The following MACROD2 variants were observed in gnomAD, a reference collection of about 807,000 sequenced individuals.
MACROD2 encodes mono-ADP ribosylhydrolase 2.
Under a neutral mutation model 70.4 loss-of-function variants are expected in MACROD2, and 36 were observed. That is an observed-to-expected ratio of 0.51 (90% confidence interval 0.39 to 0.68). The LOEUF (loss-of-function observed/expected upper bound fraction) is 0.68, where lower values mean the gene tolerates loss of function less well. Among genes scored for constraint, MACROD2 ranks in the 30% least tolerant of loss-of-function variants. The pLI, the probability that MACROD2 is intolerant of heterozygous loss-of-function variation, is 0.00. For missense variants in MACROD2, 496 were observed against 538.4 expected, an observed-to-expected ratio of 0.92 and a Z score of 0.78; for synonymous variants, 172 against 178.8, an observed-to-expected ratio of 0.96 and a Z score of 0.30.
At chr20:15,431,363 GTTTC>G in intron 6 of MACROD2, 38 bp from the exon 7 acceptor site, 1 of 1,568,434 alleles carries the variant, frequency 6.4e-7, no homozygotes, top group East Asian at 2.2e-5. Context: ...GCGTAGAGTT[GTTTC>G]TTTAATATTC....
intron 5 of MACROD2, among the ~76,000 whole-genome samples, chr20:15,040,274 C>T (rs958706587): frequency 1.1e-3 from 162 of 151,178 alleles, no homozygotes; most frequent in African/African-American, 3.7e-3. Context: ...GAGATCGCGC[C>T]ACTGCACTCC....
chr20:14,596,415 A>C (rs952974396), intron 4 of MACROD2, among the ~76,000 whole-genome samples: 1 of 98,234 alleles, frequency 1.0e-5, no homozygotes, highest in Non-Finnish European at 1.8e-5. Flanking sequence ...TTTTAAACAT[A>C]TATATATATA....
At chr20:14,533,178 A>G (rs912818922) in intron 4 of MACROD2, among the ~76,000 whole-genome samples, 2 of 152,228 alleles carry the variant, frequency 1.3e-5, no homozygotes, top group African/African-American at 4.8e-5. Context: ...TTATAAGGAA[A>G]GTAACTTTGA....
chr20:15,190,313 A>G (rs959393371), intron 5 of MACROD2, among the ~76,000 whole-genome samples: 2 of 152,168 alleles, frequency 1.3e-5, no homozygotes, highest in Non-Finnish European at 1.5e-5. Context: ...GTGATAATAC[A>G]GTAGGTGCTG....
chr20:14,766,765 T>C (rs1265046251), intron 5 of MACROD2, among the ~76,000 whole-genome samples: 1 of 152,134 alleles, frequency 6.6e-6, no homozygotes, highest in East Asian at 1.9e-4. Flanking sequence ...TTAAGTGTTG[T>C]ACTCATTTAT....
At chr20:14,399,528 A>G (rs2083615759) in intron 3 of MACROD2, among the ~76,000 whole-genome samples, 1 of 151,948 alleles carries the variant, frequency 6.6e-6, no homozygotes, top group Non-Finnish European at 1.5e-5. Flanking sequence ...ATTTGATGAT[A>G]ATTTGCTTTG....
At position 14,325,813 on chromosome 20, in the gene MACROD2, T is replaced by C. The variant is rs773372477; in HGVS notation, c.272-167666T>C. 68 of 1,613,796 alleles carry C rather than the reference T, an allele frequency of 4.2e-5. No individual in the cohort carries two copies. The highest frequency in any genetic ancestry group is 5.4e-5 in the Non-Finnish European group (64 of 1,179,868). The stretch of plus-strand genomic sequence containing the variant: ...ATCCTTTCTTCTCCTCCCTTTGCTA[T>C]ATGCACAGTTCCTTGAGAAGAGCGA... On this transcript the variant is annotated intron_variant, in intron 3 of 17. Coordinates refer to ENST00000684519, the MANE Select transcript of MACROD2 (RefSeq NM_001351661.2).
intron 8 of MACROD2, among the ~76,000 whole-genome samples, chr20:15,715,298 T>G (rs1010316036): frequency 2.6e-5 from 4 of 152,158 alleles, no homozygotes. Flanking sequence ...TTAAGTCATG[T>G]CAGCAAACGT....
At chr20:13,998,259 CAT>C (rs1025207722) in intron 1 of MACROD2, among the ~76,000 whole-genome samples, 1 of 151,662 alleles carries the variant, frequency 6.6e-6, no homozygotes, top group Non-Finnish European at 1.5e-5. Flanking sequence ...TTTAAATAAA[CAT>C]GTTTGATCTA....
intron 5 of MACROD2, among the ~76,000 whole-genome samples, chr20:14,729,915 A>G (rs2071574686): frequency 1.3e-5 from 2 of 152,182 alleles, no homozygotes; most frequent in African/African-American, 4.8e-5. Context: ...ATTTATTAAA[A>G]TAAAAGGGAA....
chr20:14,164,502 T>G (rs1027460205), intron 3 of MACROD2, among the ~76,000 whole-genome samples: 2 of 152,120 alleles, frequency 1.3e-5, no homozygotes, highest in African/African-American at 4.8e-5. Context: ...CCTGGGCGGC[T>G]GGCATGGAGT....
chr20:15,876,238 A>G (rs532128394), intron 9 of MACROD2, among the ~76,000 whole-genome samples: 2 of 151,962 alleles, frequency 1.3e-5, no homozygotes, highest in African/African-American at 2.4e-5. Context: ...TACATTAAGT[A>G]TATCTCCTAA....
At position 14,520,641 on chromosome 20, in the gene MACROD2, C is replaced by T. The variant is rs551256432; in HGVS notation, c.301+27133C>T. On this transcript the variant is annotated intron_variant, in intron 4 of 17. Coordinates refer to ENST00000684519, the MANE Select transcript of MACROD2 (RefSeq NM_001351661.2). ...TTTTTCATCTTCCCTGGTGAACTACCGATTCTTTATAATTCAGCTCAAATA... is the reference window on the plus strand; with the variant it reads ...TTTTTCATCTTCCCTGGTGAACTACTGATTCTTTATAATTCAGCTCAAATA... Among the ~76,000 whole-genome samples, 6 of 152,140 alleles carry T rather than the reference C, an allele frequency of 3.9e-5. No individual in the cohort carries two copies. The East Asian group carries it at 7.7e-4, about 20-fold the overall frequency.
At chr20:15,270,258 T>A (rs924975790) in intron 6 of MACROD2, among the ~76,000 whole-genome samples, 1 of 151,652 alleles carries the variant, frequency 6.6e-6, no homozygotes, top group African/African-American at 2.4e-5. Context: ...GAGCAATAGT[T>A]AAACATCCAT....
chr20:15,937,633 C>A, intron 12 of MACROD2, 89 bp downstream of exon 12: 2 of 1,193,182 alleles, frequency 1.7e-6, no homozygotes, highest in South Asian at 2.5e-5. Flanking sequence ...AGCAGCAAGT[C>A]AAATATAACT....
At chr20:15,304,349 G>C (rs773688116) in intron 6 of MACROD2, among the ~76,000 whole-genome samples, 21 of 152,152 alleles carry the variant, frequency 1.4e-4, no homozygotes, top group Non-Finnish European at 2.6e-4. Context: ...ACAGTAGTAA[G>C]TGAACACATG....
At chr20:15,630,415 T>C (rs1161327797) in intron 8 of MACROD2, among the ~76,000 whole-genome samples, 1 of 152,260 alleles carries the variant, frequency 6.6e-6, no homozygotes, top group South Asian at 2.1e-4. Context: ...CAAATGAGCC[T>C]TGACTTGAGC....
intron 4 of MACROD2, among the ~76,000 whole-genome samples, chr20:14,666,560 A>C (rs570890122): frequency 6.6e-6 from 1 of 152,180 alleles, no homozygotes; most frequent in South Asian, 2.1e-4. Context: ...TGCAAACTTA[A>C]GAACATTTAA....
At chr20:15,798,309 G>A (rs2147067429) in intron 8 of MACROD2, among the ~76,000 whole-genome samples, 1 of 152,254 alleles carries the variant, frequency 6.6e-6, no homozygotes, top group East Asian at 1.9e-4. Context: ...GAATCAGCTG[G>A]AAGCTCCTTC....
Sources: allele counts gnomAD v4.1 joint callset (sites outside exome capture counted in the v4.1 genomes callset), GRCh38; gene constraint gnomAD v4.1.1; transcripts MANE v1.5; gene names NCBI Gene and HGNC (gene_info 2026-07-23, HGNC 2026-07-21).